RASA3: variants seen among roughly 807,000 people sequenced by gnomAD.
The protein encoded by RASA3 is RAS p21 protein activator 3.
Under a neutral mutation model 110.0 loss-of-function variants are expected in RASA3, and 73 were observed. The observed-to-expected ratio is 0.66, with a 90% CI of 0.55 to 0.81. The LOEUF is 0.81. Ranked by LOEUF, RASA3 falls within the 30% of genes least tolerant of loss-of-function variation. The probability of loss-of-function intolerance (pLI) is 0.00; values close to 1 mark genes in which losing one functional copy is unlikely to be tolerated. For missense variants in RASA3, 976 were observed against 1,113.2 expected, an observed-to-expected ratio of 0.88 and a Z score of 1.75; for synonymous variants, 500 against 451.4, an observed-to-expected ratio of 1.11 and a Z score of -1.37.
rs2139163879 is a variant in RASA3, at chr13:114,000,923, G to A, written c.1752C>T (p.Ile584=). ...AGCGCTTCCGTCCTTGGGCCCTCTT[G>A]ATCATGAACCTGTGTGAAGAGCACA... The part of the protein sequence containing the change: ...QPIVLKEGFM[I]KRAQGRKRFG... The change falls in exon 19 of 24, where the codon ATC becomes ATT. Residue 584 remains isoleucine, a synonymous_variant. Coordinates refer to ENST00000334062, the MANE Select transcript of RASA3 (RefSeq NM_007368.4). 1 of 1,612,474 alleles carries A rather than the reference G, an allele frequency of 6.2e-7. No homozygotes were observed. Among genetic ancestry groups the A allele is most frequent in the South Asian group, 1.1e-5 (1 of 91,058 alleles).
intron 1 of RASA3, among the ~76,000 whole-genome samples, chr13:114,101,965 C>T (rs573742823): frequency 1.3e-5 from 2 of 152,256 alleles, no homozygotes; most frequent in East Asian, 1.9e-4. Context: ...AAGTGGGGAG[C>T]GGGGGTCTCA....
rs1247894955 is a variant in RASA3 at position 114,015,301 on chromosome 13, A to G, written c.1313T>C (p.Phe438Ser). The change falls in exon 14 of 24, where the codon TTC becomes TCC. Residue 438 changes from phenylalanine to serine, a missense_variant. Coordinates refer to ENST00000334062, the MANE Select transcript of RASA3 (RefSeq NM_007368.4). ...CACCCCAGACTCAGTGATGGCGTGG[A>G]AGACGCGGTCCACATACTGCCGTAG... ...ENLRQYVDRV[F>S]HAITESGVSC... The G allele has an allele frequency of 6.2e-7, 1 of 1,613,066 alleles. No homozygotes were observed. Among genetic ancestry groups the G allele is most frequent in the South Asian group, 1.1e-5 (1 of 91,082 alleles).
At chr13:113,998,614 C>T (rs546689393) in intron 20 of RASA3, among the ~76,000 whole-genome samples, 8 of 152,334 alleles carry the variant, frequency 5.3e-5, no homozygotes, top group South Asian at 2.1e-4. Context: ...ACGTGGCCAG[C>T]GGCCGACTCT....
Position 114,056,791 on chromosome 13 carries a change from G to T in RASA3, c.174-4636C>A. On this transcript the variant is annotated intron_variant, in intron 2 of 23. Transcript: ENST00000334062. The surrounding 1 kb of genome is among the most constrained non-coding windows in gnomAD (Gnocchi z 5.7). ...CTCCATAAAATTATCACCACAGACT[G>T]GACGTGCCCCTTTCTAAATGTAAAA... 1.7e-6 allele frequency: 1 copy of T among 594,362 alleles called. No homozygotes were observed. Among genetic ancestry groups the T allele is most frequent in the Non-Finnish European group, 2.1e-6 (1 of 472,378 alleles). The allele number at this position is 594,362 out of a possible 1,614,324, so 36.8% of individuals were successfully genotyped here.
chr13:113,980,446 CAT>C lies in RASA3; in HGVS notation c.2430-1026_2430-1025del, dbSNP rs1491367281. On this transcript the variant is annotated intron_variant, in intron 23 of 23. Transcript: ENST00000334062. ...CCTCCTCCGTGTGTGCACCTCCTGC[CAT>C]GTGTGTGCACCTCCACCCATGTGTG... 6.0e-5 allele frequency among the ~76,000 whole-genome samples: 6 copies of C among 100,728 alleles called. No individual in the cohort carries two copies. The East Asian group carries it at 1.2e-3, about 20-fold the overall frequency. The allele number at this position is 100,728 out of a possible 152,430, so 66.1% of individuals were successfully genotyped here.
chr13:114,038,853 C>T (rs1361890111), intron 4 of RASA3, among the ~76,000 whole-genome samples: 2 of 152,226 alleles, frequency 1.3e-5, no homozygotes, highest in African/African-American at 4.8e-5. Flanking sequence ...AACTTGCGGG[C>T]ACAGAGCCTC....
intron 1 of RASA3, among the ~76,000 whole-genome samples, chr13:114,099,461 CG>C (rs2079994022): frequency 6.6e-6 from 1 of 151,928 alleles, no homozygotes; most frequent in Non-Finnish European, 1.5e-5. Context: ...TTGGATTCCC[CG>C]GGGTGTCCGG....
chr13:114,040,295 A>G (rs1348662575), intron 4 of RASA3, among the ~76,000 whole-genome samples: 17 of 141,654 alleles, frequency 1.2e-4, no homozygotes, highest in South Asian at 4.7e-4. Context: ...AATCCATGGC[A>G]GAGACCGCGC....
At position 114,011,130 on chromosome 13, in the gene RASA3, C is replaced by G. The variant is rs926368476; in HGVS notation, c.1590+41G>C. The G allele has an allele frequency of 6.6e-7, 1 of 1,509,228 alleles. No individual in the cohort carries two copies. Among genetic ancestry groups the G allele is most frequent in the African/African-American group, 1.4e-5 (1 of 72,612 alleles). 93.5% of individuals were successfully genotyped at this position (1,509,228 alleles called of 1,614,324 possible). A position where few individuals can be genotyped will look rare whatever the true frequency, so the allele number is the denominator to read the frequency against. ...GTATTTTCTGAAGAGAGAAAAGAAT[C>G]AGTTGTCCCTAAAAAGAGAAAATGA... On this transcript the variant is annotated intron_variant, in intron 16 of 23. Coordinates refer to ENST00000334062, the MANE Select transcript of RASA3 (RefSeq NM_007368.4). This position sits in a 1 kb window ranked among gnomAD's most constrained non-coding sequence, Gnocchi z 4.8.
At chr13:114,122,809 T>G (rs2080396601) in intron 1 of RASA3, among the ~76,000 whole-genome samples, 1 of 132,990 alleles carries the variant, frequency 7.5e-6, no homozygotes, top group Non-Finnish European at 1.6e-5. Flanking sequence ...CAGCCCTGAC[T>G]CCAGGCCTGT....
intron 2 of RASA3, among the ~76,000 whole-genome samples, chr13:114,072,194 T>A (rs9525376): frequency 0.14 from 20,629 of 152,200 alleles, 1,809 homozygotes; most frequent in Middle Eastern, 0.21. Flanking sequence ...TAAATCGCCA[T>A]GGCTTCCTGT....
At chr13:114,123,059 C>T (rs573027700) in intron 1 of RASA3, among the ~76,000 whole-genome samples, 6 of 152,338 alleles carry the variant, frequency 3.9e-5, no homozygotes, top group African/African-American at 9.6e-5. Flanking sequence ...ACCTTCGGTG[C>T]GTGCCCGGCA....
At chr13:114,095,515 T>C (rs1343519909) in intron 1 of RASA3, among the ~76,000 whole-genome samples, 1 of 152,230 alleles carries the variant, frequency 6.6e-6, no homozygotes, top group Non-Finnish European at 1.5e-5. Flanking sequence ...CCTGGCTTCC[T>C]TGATGCAGCC....
chr13:114,035,811 G>A (rs1166230149), intron 4 of RASA3: 1 of 152,286 alleles, frequency 6.6e-6, no homozygotes, highest in African/African-American at 2.4e-5. Context: ...CAACCCTGGA[G>A]AGATGTGAAA....
intron 4 of RASA3, among the ~76,000 whole-genome samples, chr13:114,039,679 G>A (rs2054355893): frequency 7.5e-6 from 1 of 132,844 alleles, no homozygotes; most frequent in South Asian, 2.3e-4. Flanking sequence ...CCGGTGGACT[G>A]ACCCCCACTG....
chr13:114,025,915 T>A (rs920005081), intron 7 of RASA3, among the ~76,000 whole-genome samples: 2 of 151,712 alleles, frequency 1.3e-5, no homozygotes, highest in Non-Finnish European at 2.9e-5. Context: ...AGAGACAGAG[T>A]CCTGGTGAAA....
At chr13:114,100,492 G>A (rs1594455767) in intron 1 of RASA3, among the ~76,000 whole-genome samples, 1 of 152,372 alleles carries the variant, frequency 6.6e-6, no homozygotes, top group East Asian at 1.9e-4. Context: ...GCTCAGAGCA[G>A]CCAGGGACCC....
chr13:114,108,111 C>G (rs2080158659), intron 1 of RASA3, among the ~76,000 whole-genome samples: 1 of 152,084 alleles, frequency 6.6e-6, no homozygotes, highest in Non-Finnish European at 1.5e-5. Flanking sequence ...CACTCCCACC[C>G]CCAGGCAGGA....
chr13:114,022,655 G>GA (rs1316145575), intron 8 of RASA3, among the ~76,000 whole-genome samples: 1 of 152,240 alleles, frequency 6.6e-6, no homozygotes, highest in Non-Finnish European at 1.5e-5. Flanking sequence ...GTTCCTTTCA[G>GA]AAGGAACATG....
Sources: gnomAD v4.1 joint callset for allele counts (sites outside exome capture counted in the v4.1 genomes callset) on GRCh38, gnomAD v4.1.1 for gene constraint, Gnocchi (gnomAD v3.1) non-coding constraint, MANE v1.5 for transcripts, NCBI Gene and HGNC (gene_info 2026-07-23, HGNC 2026-07-21) for gene names.